JAML: variants seen among roughly 807,000 people sequenced by gnomAD.
JAML encodes junctional adhesion molecule-like.
In JAML, 25 loss-of-function variants were observed where a neutral mutation model predicts 39.3. The observed-to-expected ratio is 0.64, with a 90% CI of 0.46 to 0.89. JAML has a LOEUF of 0.89. Ranked by LOEUF, JAML falls within the 40% of genes least tolerant of loss-of-function variation. The probability of loss-of-function intolerance (pLI) is 0.00; values close to 1 mark genes in which losing one functional copy is unlikely to be tolerated. For missense variants in JAML, 440 were observed against 486.9 expected, an observed-to-expected ratio of 0.90 and a Z score of 0.91; for synonymous variants, 162 against 179.2, an observed-to-expected ratio of 0.90 and a Z score of 0.77.
At chr11:118,195,323 T>C (rs1280163550) in intron 9 of JAML, among the ~76,000 whole-genome samples, 1 of 152,098 alleles carries the variant, frequency 6.6e-6, no homozygotes, top group African/African-American at 2.4e-5. Flanking sequence ...GCCTCTGATC[T>C]CACACTTCCC....
chr11:118,199,697 T>TA (rs1565474104), intron 7 of JAML, among the ~76,000 whole-genome samples: 34 of 67,176 alleles, frequency 5.1e-4, no homozygotes, highest in African/African-American at 1.4e-3. Flanking sequence ...ATTATTATTT[T>TA]TTTTTTTTTT....
At chr11:118,217,036 A>G (rs1949152269) in intron 1 of JAML, among the ~76,000 whole-genome samples, 2 of 152,096 alleles carry the variant, frequency 1.3e-5, no homozygotes, top group South Asian at 4.2e-4. Flanking sequence ...AGAAAACAGC[A>G]CTTAGCAGTG....
At chr11:118,195,532 G>A (rs1048153019) in intron 9 of JAML, among the ~76,000 whole-genome samples, 1 of 152,052 alleles carries the variant, frequency 6.6e-6, no homozygotes, top group African/African-American at 2.4e-5. Context: ...CACTCCTTTT[G>A]TCCCTACCCC....
intron 1 of JAML, among the ~76,000 whole-genome samples, chr11:118,216,285 C>T (rs1441296875): frequency 1.3e-5 from 2 of 151,494 alleles, no homozygotes; most frequent in Non-Finnish European, 2.9e-5. Context: ...AGGAGAATGG[C>T]GTGAACCTGG....
chr11:118,197,331 C>T (rs918682757), intron 8 of JAML: 4 of 152,492 alleles, frequency 2.6e-5, no homozygotes, highest in African/African-American at 7.2e-5. Flanking sequence ...AAATCCTACT[C>T]TTGGGACAAA....
intron 6 of JAML, 31 bp from the exon 7 acceptor site, chr11:118,200,643 C>G: frequency 6.2e-7 from 1 of 1,613,538 alleles, no homozygotes; most frequent in Non-Finnish European, 8.5e-7. Flanking sequence ...AGGAGAGGGT[C>G]TCAATACTTT....
At position 118,210,653 on chromosome 11, in the gene JAML, G is replaced by C; in HGVS notation, c.258C>G (p.Asn86Lys). Residue 86 changes from asparagine to lysine, a missense_variant, in exon 4 of 10, where the codon AAC becomes AAG. Asn to Lys is a moderately conservative substitution (Grantham distance 94, BLOSUM62 0). Coordinates refer to ENST00000356289, the MANE Select transcript of JAML (RefSeq NM_001098526.2). The part of the protein sequence containing the change: ...NLSVPIGRFQ[N>K]RVHLMGDILC... Reference sequence around the variant, plus strand: ...AGATGTCCCCCATCAAGTGTACGCGGTTCTGGAAGCGCCCAATAGGCACAC... The same window carrying C: ...AGATGTCCCCCATCAAGTGTACGCGCTTCTGGAAGCGCCCAATAGGCACAC... 1.2e-6 allele frequency: 2 copies of C among 1,614,188 alleles called. No homozygotes were observed. Among genetic ancestry groups the C allele is most frequent in the Non-Finnish European group, 1.7e-6 (2 of 1,180,018 alleles).
At chr11:118,223,970 G>T (rs1166574800) in intron 1 of JAML, 1 of 152,104 alleles carries the variant, frequency 6.6e-6, no homozygotes, top group African/African-American at 2.4e-5. Context: ...CTGAGCAAAC[G>T]GACAACTGCA....
intron 1 of JAML, 88 bp from the exon 2 acceptor site, chr11:118,214,974 G>C (rs768013424): frequency 1.6e-4 from 195 of 1,214,554 alleles, no homozygotes; most frequent in Non-Finnish European, 2.2e-4. Flanking sequence ...ATACGGAGCA[G>C]CCTCTGTTTG....
At chr11:118,202,473 T>TG (rs750401176) in intron 6 of JAML, 49 of 161,260 alleles carry the variant, frequency 3.0e-4, no homozygotes, top group South Asian at 2.8e-3. Flanking sequence ...GGATACCACC[T>TG]GGGCACAGGG....
chr11:118,202,757 C>A, intron 6 of JAML: 1 of 365,140 alleles, frequency 2.7e-6, no homozygotes, highest in Non-Finnish European at 5.4e-6. Context: ...TCCCCACCCC[C>A]AGCCAACCAC....
chr11:118,210,646 G>A lies in JAML; in HGVS notation c.265C>T (p.His89Tyr), dbSNP rs1406829979. 6.2e-7 allele frequency: 1 copy of A among 1,614,204 alleles called. No homozygotes were observed. Residue 89 changes from histidine (H) to tyrosine (Y), a missense_variant, in exon 4 of 10, where the codon CAC becomes TAC. By Grantham distance (83) the His-to-Tyr change is moderately conservative. Transcript: ENST00000356289. ...VPIGRFQNRV[H>Y]LMGDILCNDG... ...TTGCATAAGATGTCCCCCATCAAGTGTACGCGGTTCTGGAAGCGCCCAATA... is the reference window on the plus strand; with the variant it reads ...TTGCATAAGATGTCCCCCATCAAGTATACGCGGTTCTGGAAGCGCCCAATA...
chr11:118,194,342 TTTTTGGCATTCCCCCACCTGAC>T lies in JAML; in HGVS notation c.1146_1167del (p.Ser383HisfsTer71). 1 of 1,613,578 alleles carries T rather than the reference TTTTTGGCATTCCCCCACCTGAC, an allele frequency of 6.2e-7. No homozygotes were observed. The highest frequency in any genetic ancestry group is 8.5e-7 in the Non-Finnish European group (1 of 1,179,570). ...CATTCTTCTCAAAAGGCTTGCTGTG[TTTTTGGCATTCCCCCACCTGAC>T]TTTTTTTCAAGTGAGTTGTTCCGAT... is the stretch of plus-strand genomic sequence containing the variant. On this transcript the variant is annotated frameshift_variant, in exon 10 of 10. Transcript: ENST00000356289. LOFTEE classifies it high-confidence loss of function.
intron 1 of JAML, 42 bp from the exon 2 acceptor site, chr11:118,214,928 A>C: frequency 6.4e-7 from 1 of 1,571,386 alleles, no homozygotes; most frequent in Non-Finnish European, 8.8e-7. Flanking sequence ...ATGTCAAGAG[A>C]AGCTCATTAA....
At chr11:118,196,967 A>C in intron 8 of JAML, 146 bp from the exon 9 acceptor site, 1 of 614,890 alleles carries the variant, frequency 1.6e-6, no homozygotes, top group Non-Finnish European at 2.9e-6. Context: ...ATTCTCAACA[A>C]TGATAATTCA....
rs756149341 is a variant in JAML at position 118,203,463 on chromosome 11, G to A, written c.737C>T (p.Thr246Ile). The A allele has an allele frequency of 6.2e-7, 1 of 1,614,156 alleles. No individual in the cohort carries two copies. The highest frequency in any genetic ancestry group is 1.7e-5 in the Admixed American group (1 of 60,020). The change falls in exon 6 of 10, where the codon ACC becomes ATC. Residue 246 changes from threonine (T) to isoleucine (I), a missense_variant. By Grantham distance (89) the Thr-to-Ile change is moderately conservative (BLOSUM62 -1). Coordinates refer to ENST00000356289, the MANE Select transcript of JAML (RefSeq NM_001098526.2). ...IHLGNLVFKK[T>I]IVLHVSPEEP... ...TTCCGGGCTGACATGCAGCACAATG[G>A]TTTTCTTGAACACCAGGTTCCCTAG...
rs1565483042 is a variant in JAML, at chr11:118,212,439, C to G, written c.166G>C (p.Asp56His). The G allele has an allele frequency of 1.2e-6, 2 of 1,614,164 alleles. No individual in the cohort carries two copies. Among genetic ancestry groups the G allele is most frequent in the Admixed American group, 1.7e-5 (1 of 60,034 alleles). Residue 56 changes from aspartate (D) to histidine (H), a missense_variant, in exon 3 of 10, where the codon GAC becomes CAC. By Grantham distance (81) the Asp-to-His change is moderately conservative (BLOSUM62 -1). Transcript: ENST00000356289. ...TGCTCTCCTGGTGACAGAGTCCAGT[C>G]TATCTTGAATATACATTTGTCTTCT... ...STEDKCIFKIDWTLSPGEHAK... is the reference protein window; with the variant it reads ...STEDKCIFKIHWTLSPGEHAK...
intron 1 of JAML, among the ~76,000 whole-genome samples, chr11:118,223,839 A>G (rs1232739410): frequency 1.3e-5 from 2 of 152,194 alleles, no homozygotes; most frequent in African/African-American, 4.8e-5. Flanking sequence ...GAAAAGAGAC[A>G]TGCTACAATG....
chr11:118,200,511 G>T lies in JAML; in HGVS notation c.874C>A (p.Leu292Met). The T allele has an allele frequency of 6.2e-7, 1 of 1,614,118 alleles. No individual in the cohort carries two copies. The highest frequency in any genetic ancestry group is 1.1e-5 in the South Asian group (1 of 91,078). ...VCATILLLPV[L>M]ILIVKKTCGN... ...CAGGTCTTCTTCACGATCAATATCAGAACAGGGAGCAGCAGGATTGTGGCA... is the reference window on the plus strand; with the variant it reads ...CAGGTCTTCTTCACGATCAATATCATAACAGGGAGCAGCAGGATTGTGGCA... The change falls in exon 7 of 10, where the codon CTG (leucine) becomes ATG (methionine). Residue 292 changes from leucine (L) to methionine (M), a missense_variant. Leu to Met is a conservative substitution (Grantham distance 15, BLOSUM62 2). Coordinates refer to ENST00000356289, the MANE Select transcript of JAML (RefSeq NM_001098526.2).
Sources: gnomAD v4.1 joint callset for allele counts (sites outside exome capture counted in the v4.1 genomes callset) on GRCh38, gnomAD v4.1.1 for gene constraint, MANE v1.5 for transcripts, NCBI Gene and HGNC (gene_info 2026-07-23, HGNC 2026-07-21) for gene names.